The following CLU variants were observed in gnomAD, a reference collection of about 807,000 sequenced individuals.
CLU encodes clusterin.
In CLU, 25 loss-of-function variants were observed where a neutral mutation model predicts 46.4. That is an observed-to-expected ratio of 0.54 (90% CI 0.39 to 0.75). The LOEUF (loss-of-function observed/expected upper bound fraction) is 0.75, where lower values mean the gene tolerates loss of function less well. Among genes scored for constraint, CLU ranks in the 30% least tolerant of loss-of-function variants. CLU has a pLI of 0.00. For missense variants in CLU, 504 were observed against 592.1 expected (o/e 0.85, Z 1.54); for synonymous variants, 235 against 235.1 (o/e 1.00, Z 0.00).
rs1051263598 is a variant in CLU, at chr8:27,605,069, G to A, written c.684C>T (p.Ser228=). 1.2e-6 allele frequency: 2 copies of A among 1,614,046 alleles called. No individual in the cohort carries two copies. The highest frequency in any genetic ancestry group is 1.3e-5 in the African/African-American group (1 of 74,902). The change falls in exon 5 of 9, where the codon AGC becomes AGT. Residue 228 remains serine, a synonymous_variant. Transcript: ENST00000316403. ...GCTCGTACGGAGAGAAGGGCATCAA[G>A]CTGCGGACGATGCGGGACTTGGGAA... ...FFFPKSRIVR[S]LMPFSPYEPL... is the part of the protein sequence containing the mutation.
chr8:27,600,751 C>T (rs1800705344), intron 6 of CLU, among the ~76,000 whole-genome samples: 1 of 152,162 alleles, frequency 6.6e-6, no homozygotes, highest in African/African-American at 2.4e-5. Context: ...ATATTACTCA[C>T]AGCTGCCATT....
intron 3 of CLU, chr8:27,608,526 C>G (rs1585255566): frequency 6.0e-6 from 2 of 331,856 alleles, no homozygotes; most frequent in African/African-American, 4.2e-5. Flanking sequence ...GTCCAGAACT[C>G]TAGCAAGACG....
At chr8:27,606,664 G>T in intron 3 of CLU, 140 bp from the exon 4 acceptor site, 1 of 940,672 alleles carries the variant, frequency 1.1e-6, no homozygotes, top group Admixed American at 1.8e-5. Flanking sequence ...GCCTACCCTT[G>T]CTCCAGTTCA....
rs9331949 is a variant in CLU, at chr8:27,597,169, T to C, written c.*1072A>G. On this transcript the variant is annotated 3_prime_UTR_variant, in exon 9 of 9. Coordinates refer to ENST00000316403, the MANE Select transcript of CLU (RefSeq NM_001831.4). ...AGTGACTTAAGAATATTCTAAGCTA[T>C]AAATTTACATGTGGACTTTGCTACA... is the stretch of plus-strand genomic sequence containing the variant. The C allele has an allele frequency of 0.055, 25,198 of 454,130 alleles. 1,365 individuals are homozygous for C. Among genetic ancestry groups the C allele is most frequent in the East Asian group, 0.21 (3,018 of 14,386 alleles). The allele number at this position is 454,130 out of a possible 1,614,324, so 28.1% of individuals were successfully genotyped here.
chr8:27,609,256 G>A (rs140664599), intron 2 of CLU, among the ~76,000 whole-genome samples, 170 bp from the exon 3 acceptor site: 184 of 152,268 alleles, frequency 1.2e-3, no homozygotes, highest in Non-Finnish European at 2.2e-3. Flanking sequence ...CCTGGCACAG[G>A]CTCCCATCAC....
chr8:27,604,855 G>A (rs1800786395), intron 5 of CLU, 69 bp downstream of exon 5: 6 of 1,553,986 alleles, frequency 3.9e-6, no homozygotes. Flanking sequence ...GACACCCGCT[G>A]AGCCCTCGGC....
chr8:27,612,352 A>T (rs1186878628), intron 1 of CLU, among the ~76,000 whole-genome samples: 1 of 152,144 alleles, frequency 6.6e-6, no homozygotes, highest in Admixed American at 6.5e-5. Context: ...TGTAAAATGG[A>T]TCTAATCCAG....
rs1192216623 is a variant in CLU, at chr8:27,596,924, T to C, written c.*1317A>G. ...ACAGTGGAAAAGAAAAAGTAACTTT[T>C]GAAACAGTGTGACATTAATGTGACA... is the stretch of plus-strand genomic sequence containing the variant. On this transcript the variant is annotated 3_prime_UTR_variant, in exon 9 of 9. Transcript: ENST00000316403. The C allele has an allele frequency of 2.2e-6, 1 of 449,752 alleles. No homozygotes were observed. Among genetic ancestry groups the C allele is most frequent in the Non-Finnish European group, 4.5e-6 (1 of 224,216 alleles). The allele number at this position is 449,752 out of a possible 1,614,324, so 27.9% of individuals were successfully genotyped here. A position where few individuals can be genotyped will look rare whatever the true frequency, so the allele number is the denominator to read the frequency against.
chr8:27,604,487 T>C, intron 5 of CLU, 92 bp from the exon 6 acceptor site: 1 of 1,086,872 alleles, frequency 9.2e-7, no homozygotes, highest in East Asian at 2.6e-5. Flanking sequence ...TATTTTTTAA[T>C]TTACAGACAG....
intron 6 of CLU, among the ~76,000 whole-genome samples, chr8:27,600,712 C>T (rs1800704536): frequency 6.6e-6 from 1 of 152,154 alleles, no homozygotes; most frequent in Admixed American, 6.5e-5. Flanking sequence ...GCCCTAGTCC[C>T]TCCCGGGAAT....
At chr8:27,604,150 C>A in intron 6 of CLU, 141 bp downstream of exon 6, 1 of 710,594 alleles carries the variant, frequency 1.4e-6, no homozygotes. Context: ...GGACCTGCCC[C>A]GGGACACAGC....
At position 27,605,140 on chromosome 8, in the gene CLU, G is replaced by A. The variant is rs1179074176; in HGVS notation, c.613C>T (p.His205Tyr). The A allele has an allele frequency of 1.2e-6, 2 of 1,614,172 alleles. No homozygotes were observed. The highest frequency in any genetic ancestry group is 1.7e-5 in the Admixed American group (1 of 60,022). The change falls in exon 5 of 9, where the codon CAC becomes TAC. Residue 205 changes from histidine to tyrosine, a missense_variant. Physicochemically the swap from His to Tyr is moderately conservative, Grantham distance 83. This residue lies in a region of CLU where 428 missense variants were observed against 484.0 expected (regional missense o/e 0.88). Transcript: ENST00000316403. Reference protein sequence around the residue: ...FFTREPQDTYHYLPFSLPHRR... With the variant: ...FFTREPQDTYYYLPFSLPHRR... ...TGGGGCAGGCTGAAGGGCAGGTAGTGGTAGGTATCCTGGGGCTCCCGGGTG... is the reference window on the plus strand; with the variant it reads ...TGGGGCAGGCTGAAGGGCAGGTAGTAGTAGGTATCCTGGGGCTCCCGGGTG...
intron 3 of CLU, among the ~76,000 whole-genome samples, chr8:27,607,773 A>T (rs1262634317): frequency 6.7e-6 from 1 of 149,526 alleles, no homozygotes; most frequent in East Asian, 1.9e-4. Context: ...GCCTATCCAC[A>T]CCCCAGAGTT....
chr8:27,598,077 A>AC lies in CLU; in HGVS notation c.*163_*164insG, dbSNP rs1800641400. On this transcript the variant is annotated 3_prime_UTR_variant, in exon 9 of 9. Transcript: ENST00000316403. ...CCCATGAGCAGCAGAGTCGAGTGTT[A>AC]GAGTGCAGGATCCAGAGCGGGGAGA... The AC allele has an allele frequency of 1.4e-6, 1 of 720,728 alleles. No homozygotes were observed. The highest frequency in any genetic ancestry group is 1.7e-5 in the African/African-American group (1 of 57,264). 44.6% of individuals were successfully genotyped at this position (720,728 alleles called of 1,614,324 possible).
At chr8:27,610,120 C>T (rs1284027421) in intron 2 of CLU, among the ~76,000 whole-genome samples, 1 of 152,114 alleles carries the variant, frequency 6.6e-6, no homozygotes, top group Non-Finnish European at 1.5e-5. Flanking sequence ...AAGCTCTGGG[C>T]ACTCCAAAGG....
chr8:27,598,624 G>A lies in CLU; in HGVS notation c.1176C>T (p.His392=). ...CGGAAGGAACGTCCGAGTCAGAAGT[G>A]TGGGAAGCCACCTAAATGGAACAAG... ...YYLRVTTVAS[H]TSDSDVPSGV... The change falls in exon 8 of 9, where the codon CAC becomes CAT. Residue 392 remains histidine (H), a synonymous_variant. Coordinates refer to ENST00000316403, the MANE Select transcript of CLU (RefSeq NM_001831.4). The A allele has an allele frequency of 6.2e-7, 1 of 1,614,078 alleles. No homozygotes were observed. The highest frequency in any genetic ancestry group is 2.2e-5 in the East Asian group (1 of 44,892).
chr8:27,598,448 C>G lies in CLU; in HGVS notation c.1340+12G>C. 6.2e-7 allele frequency: 1 copy of G among 1,613,832 alleles called. No individual in the cohort carries two copies. Among genetic ancestry groups the G allele is most frequent in the Non-Finnish European group, 8.5e-7 (1 of 1,179,954 alleles). On this transcript the variant is annotated intron_variant, in intron 8 of 8. Transcript: ENST00000316403. Reference sequence around the variant, plus strand: ...GGCCCTGCAGGCCCGCAGGAAAGGCCCGCCTGCTTACCGGTGCTTTTTGCG... The same window carrying G: ...GGCCCTGCAGGCCCGCAGGAAAGGCGCGCCTGCTTACCGGTGCTTTTTGCG...
At chr8:27,611,631 TGG>T (rs775619128) in intron 1 of CLU, 8 of 457,418 alleles carry the variant, frequency 1.7e-5, no homozygotes, top group African/African-American at 1.6e-4. Flanking sequence ...AACAGGACGA[TGG>T]GGTTCCCCTT....
chr8:27,608,008 C>T (rs969344317), intron 3 of CLU, among the ~76,000 whole-genome samples: 20 of 152,130 alleles, frequency 1.3e-4, no homozygotes, highest in Non-Finnish European at 4.4e-5. Flanking sequence ...GTGATAACCA[C>T]AAAAATGTGA....
Sources: allele counts gnomAD v4.1 joint callset (sites outside exome capture counted in the v4.1 genomes callset), GRCh38; gene constraint gnomAD v4.1.1; regional missense constraint gnomAD v4.1.1; transcripts MANE v1.5; gene names NCBI Gene and HGNC (gene_info 2026-07-23, HGNC 2026-07-21).